Variants in PARP1 observed in about 807,000 individuals in gnomAD.
The protein encoded by PARP1 is poly [ADP-ribose] polymerase 1.
PARP1 carries 44 observed loss-of-function variants against 118.7 expected under a neutral mutation model. The ratio of observed to expected loss-of-function variants is 0.37; its 90% confidence interval spans 0.29 to 0.48. PARP1 has a LOEUF of 0.48. Among genes scored for constraint, PARP1 ranks in the 20% least tolerant of loss-of-function variants. The pLI is 0.99. For missense variants in PARP1, 1,100 were observed against 1,272.4 expected (o/e 0.86, Z 2.06); for synonymous variants, 492 against 483.2 (o/e 1.02, Z -0.24).
intron 2 of PARP1, among the ~76,000 whole-genome samples, chr1:226,399,232 C>T (rs1420614264): frequency 2.0e-5 from 3 of 151,894 alleles, no homozygotes; most frequent in Non-Finnish European, 2.9e-5. Context: ...ACCACCACAC[C>T]GGCTAATTTT....
intron 12 of PARP1, among the ~76,000 whole-genome samples, chr1:226,378,583 C>A (rs573085262): frequency 1.3e-5 from 2 of 152,296 alleles, no homozygotes; most frequent in South Asian, 4.1e-4. Context: ...TGCAGAGGCT[C>A]ATGCCTGTAA....
intron 1 of PARP1, among the ~76,000 whole-genome samples, chr1:226,406,969 G>A (rs1665160119): frequency 1.3e-5 from 2 of 152,170 alleles, no homozygotes; most frequent in African/African-American, 4.8e-5. Flanking sequence ...TGGAAGCGAG[G>A]AGGAACAGGG....
intron 2 of PARP1, among the ~76,000 whole-genome samples, chr1:226,396,310 T>TA (rs1463045740): frequency 6.6e-6 from 1 of 151,544 alleles, no homozygotes; most frequent in Non-Finnish European, 1.5e-5. Flanking sequence ...TGCGCCACTG[T>TA]ACTCCAACCT....
At chr1:226,362,611 A>T (rs2102725248) in intron 21 of PARP1, among the ~76,000 whole-genome samples, 1 of 152,320 alleles carries the variant, frequency 6.6e-6, no homozygotes, top group Non-Finnish European at 1.5e-5. Context: ...GGCCACTTCA[A>T]CCAGGCAGTG....
intron 2 of PARP1, among the ~76,000 whole-genome samples, chr1:226,399,891 G>GA (rs1001725289): frequency 6.6e-6 from 1 of 152,012 alleles, no homozygotes; most frequent in Non-Finnish European, 1.5e-5. Context: ...ACTGCTATAA[G>GA]AAAAAAAGTC....
chr1:226,387,847 G>A lies in PARP1; in HGVS notation c.717+809C>T, dbSNP rs3219050. ...TGTGAAGTGGCACCACAGTTCTCCTGCAGCCAGTTTTGGTGCATGACAGAC... is the reference window on the plus strand; with the variant it reads ...TGTGAAGTGGCACCACAGTTCTCCTACAGCCAGTTTTGGTGCATGACAGAC... On this transcript the variant is annotated intron_variant, in intron 5 of 22. Coordinates refer to ENST00000366794, the MANE Select transcript of PARP1 (RefSeq NM_001618.4). Among the ~76,000 whole-genome samples, 15 of 152,320 alleles carry A rather than the reference G, an allele frequency of 9.8e-5. No individual in the cohort carries two copies. The South Asian group carries it at 2.9e-3, about 29-fold the overall frequency.
At chr1:226,367,384 C>G (rs1322602124) in intron 17 of PARP1, 96 bp downstream of exon 17, 21 of 1,473,686 alleles carry the variant, frequency 1.4e-5, no homozygotes, top group Non-Finnish European at 1.8e-5. Context: ...TGTGTTTTAA[C>G]AAGCTTTCCA....
chr1:226,361,281 A>G lies in PARP1; in HGVS notation c.*179T>C. ...CAACCCCTCCCCACAGACACAACACAAAACAAGGGACTTGAGAAGTTAGAG... is the reference window on the plus strand; with the variant it reads ...CAACCCCTCCCCACAGACACAACACGAAACAAGGGACTTGAGAAGTTAGAG... On this transcript the variant is annotated 3_prime_UTR_variant, in exon 23 of 23. Transcript: ENST00000366794. 4.5e-6 allele frequency: 3 copies of G among 670,204 alleles called. No individual in the cohort carries two copies. Among genetic ancestry groups the G allele is most frequent in the African/African-American group, 3.6e-5 (2 of 55,796 alleles). 41.5% of individuals were successfully genotyped at this position (670,204 alleles called of 1,614,324 possible).
chr1:226,406,905 A>T (rs1188680953), intron 1 of PARP1, among the ~76,000 whole-genome samples: 1 of 152,174 alleles, frequency 6.6e-6, no homozygotes, highest in Non-Finnish European at 1.5e-5. Flanking sequence ...CAGCTCATGG[A>T]AGGGAGGAAA....
chr1:226,366,301 T>G (rs1231805535), intron 17 of PARP1: 1 of 467,808 alleles, frequency 2.1e-6, no homozygotes, highest in African/African-American at 2.0e-5. Context: ...TGTCTTAAAA[T>G]TCTATGTTTT....
chr1:226,361,616 T>A, intron 22 of PARP1, 75 bp from the exon 23 acceptor site: 1 of 1,086,986 alleles, frequency 9.2e-7, no homozygotes, highest in Non-Finnish European at 1.4e-6. Context: ...TCCCCCAGGC[T>A]GGCAGGACGC....
At chr1:226,373,476 T>C (rs1312841228) in intron 14 of PARP1, among the ~76,000 whole-genome samples, 1 of 152,176 alleles carries the variant, frequency 6.6e-6, no homozygotes, top group African/African-American at 2.4e-5. Flanking sequence ...AGAGCTCTGA[T>C]GCTAGGAGCA....
intron 2 of PARP1, 129 bp downstream of exon 2, chr1:226,402,085 C>T (rs1210219080): frequency 1.3e-6 from 2 of 1,578,992 alleles, no homozygotes; most frequent in Non-Finnish European, 1.7e-6. Flanking sequence ...AACATGGGCA[C>T]CATACGCTTG....
intron 15 of PARP1, among the ~76,000 whole-genome samples, chr1:226,370,204 G>C (rs1488883967): frequency 6.6e-6 from 1 of 152,134 alleles, no homozygotes; most frequent in Non-Finnish European, 1.5e-5. Context: ...AGTTTACTAA[G>C]TATCTGACAA....
intron 14 of PARP1, among the ~76,000 whole-genome samples, chr1:226,372,025 G>A (rs986000877): frequency 6.6e-6 from 1 of 152,206 alleles, no homozygotes; most frequent in Non-Finnish European, 1.5e-5. Context: ...TGGCACTGGG[G>A]ACCCACGAGC....
intron 15 of PARP1, among the ~76,000 whole-genome samples, chr1:226,369,717 G>A (rs1664339224): frequency 6.6e-6 from 1 of 152,162 alleles, no homozygotes; most frequent in East Asian, 1.9e-4. Context: ...CACTTTGGGA[G>A]GCTGAGGCAG....
In PARP1 at chr1:226,361,101, G is replaced by A. The variant is rs187860345; in HGVS notation, c.*359C>T. 22 of 305,418 alleles carry A rather than the reference G, an allele frequency of 7.2e-5. No individual in the cohort carries two copies. The highest frequency in any genetic ancestry group is 3.2e-4 in the African/African-American group (15 of 47,420). 18.9% of individuals were successfully genotyped at this position (305,418 alleles called of 1,614,324 possible). A position where few individuals can be genotyped will look rare whatever the true frequency, so the allele number is the denominator to read the frequency against. ...AACACTTAGAAAAAAGGGTGGAAGT[G>A]TATTTTTCCTTCCCTGGGGAAACCA... On this transcript the variant is annotated 3_prime_UTR_variant, in exon 23 of 23. Coordinates refer to ENST00000366794, the MANE Select transcript of PARP1 (RefSeq NM_001618.4).
chr1:226,365,050 A>C lies in PARP1; in HGVS notation c.2610T>G (p.Ala870=). Residue 870 remains alanine, a synonymous_variant, in exon 19 of 23, where the codon GCT becomes GCG. Transcript: ENST00000366794. ...TCCGAAGACCCTGGGACAGGATCCC[A>C]GCAAAGTTGGTGGTCCTGGACCCGT... The part of the protein sequence containing the change: ...LWHGSRTTNF[A]GILSQGLRIA... The C allele has an allele frequency of 1.2e-6, 2 of 1,614,216 alleles. No individual in the cohort carries two copies. The highest frequency in any genetic ancestry group is 1.7e-6 in the Non-Finnish European group (2 of 1,180,038).
intron 2 of PARP1, among the ~76,000 whole-genome samples, chr1:226,398,012 C>A (rs7538349): frequency 0.026 from 3,989 of 151,474 alleles, 183 homozygotes; most frequent in African/African-American, 0.092. Context: ...ACCTTACACC[C>A]TTCACAAAAA....
Sources: allele counts gnomAD v4.1 joint callset (sites outside exome capture counted in the v4.1 genomes callset), GRCh38; gene constraint gnomAD v4.1.1; transcripts MANE v1.5; gene names NCBI Gene and HGNC (gene_info 2026-07-23, HGNC 2026-07-21).